PIP5K1B: variants seen among roughly 807,000 people sequenced by gnomAD.
PIP5K1B encodes the protein phosphatidylinositol-4-phosphate 5-kinase type 1 beta.
A neutral mutation model predicts 67.0 loss-of-function variants in PIP5K1B; 42 were observed. The observed-to-expected ratio is 0.63, with a 90% CI of 0.49 to 0.81. PIP5K1B has a LOEUF of 0.81. Ranked by LOEUF, PIP5K1B falls within the 30% of genes least tolerant of loss-of-function variation. The pLI is 0.00. For synonymous variants in PIP5K1B, 214 were observed against 231.4 expected (o/e 0.92, Z 0.68); for missense variants, 459 against 646.3 (o/e 0.71, Z 3.14).
chr9:68,992,661 G>GA (rs1304067521), intron 15 of PIP5K1B, among the ~76,000 whole-genome samples: 1 of 151,522 alleles, frequency 6.6e-6, no homozygotes, highest in Admixed American at 6.6e-5. Flanking sequence ...CCAGGATGGT[G>GA]AAACCCCATC....
chr9:69,007,640 T>A (rs190741114), intron 15 of PIP5K1B, among the ~76,000 whole-genome samples: 5 of 152,086 alleles, frequency 3.3e-5, no homozygotes, highest in South Asian at 2.1e-4. Context: ...GGCGGATCAC[T>A]AGGTCAGGAG....
chr9:68,947,795 C>A (rs367721995), intron 14 of PIP5K1B, among the ~76,000 whole-genome samples: 47 of 152,286 alleles, frequency 3.1e-4, no homozygotes, highest in African/African-American at 8.7e-4. Flanking sequence ...GTCTGACAAT[C>A]AGTAATGCAT....
intron 8 of PIP5K1B, 28 bp downstream of exon 8, chr9:68,894,666 CTTT>C (rs1245230215): frequency 6.2e-7 from 1 of 1,600,272 alleles, no homozygotes; most frequent in South Asian, 1.1e-5. Context: ...TTGTGATTTC[CTTT>C]GAACTCTGTG....
At position 68,822,591 on chromosome 9, in the gene PIP5K1B, A is replaced by G. The variant is rs372272967; in HGVS notation, c.1-24A>G. The G allele has an allele frequency of 7.0e-6, 11 of 1,564,628 alleles. No individual in the cohort carries two copies. The African/African-American group carries it at 1.2e-4, about 17-fold the overall frequency. ...TATTTCAGAGTAACATTGAAGTTCA[A>G]AGGGCAGTGTGTTTCTCTTGTAGAT... On this transcript the variant is annotated intron_variant, in intron 3 of 15. Transcript: ENST00000265382.
At chr9:68,936,046 G>T (rs891725848) in intron 13 of PIP5K1B, 4 of 152,114 alleles carry the variant, frequency 2.6e-5, no homozygotes, top group Non-Finnish European at 5.9e-5. Context: ...CCTTTTGTTA[G>T]ATTTATTTCT....
In PIP5K1B at chr9:68,705,391, T is replaced by G. The variant is rs1827069923; in HGVS notation, c.-614T>G. 1 of 151,254 alleles carries G rather than the reference T, an allele frequency of 6.6e-6. No individual in the cohort carries two copies. Among genetic ancestry groups the G allele is most frequent in the Non-Finnish European group, 1.5e-5 (1 of 67,750 alleles). 9.4% of individuals were successfully genotyped at this position (151,254 alleles called of 1,614,324 possible). A position where few individuals can be genotyped will look rare whatever the true frequency, so the allele number is the denominator to read the frequency against. On this transcript the variant is annotated 5_prime_UTR_variant, in exon 1 of 16. Transcript: ENST00000265382. ...GCCCGGCAGTGGAGCCGCTCGGAGC[T>G]GCTGGGCTTTGGCGGCCGCTCGCTG...
chr9:68,730,192 A>G (rs931696722), intron 1 of PIP5K1B, among the ~76,000 whole-genome samples: 1 of 152,222 alleles, frequency 6.6e-6, no homozygotes, highest in African/African-American at 2.4e-5. Context: ...ATTTGCATTG[A>G]TGATTTTGTT....
intron 2 of PIP5K1B, among the ~76,000 whole-genome samples, chr9:68,790,884 C>T (rs1158490276): frequency 6.6e-6 from 1 of 152,176 alleles, no homozygotes; most frequent in Non-Finnish European, 1.5e-5. Flanking sequence ...TACCTAGGAC[C>T]TCTTTGTGCC....
Position 69,008,878 on chromosome 9 carries a change from C to A in PIP5K1B, c.*429C>A, listed in dbSNP as rs942862863. On this transcript the variant is annotated 3_prime_UTR_variant, in exon 16 of 16. Transcript: ENST00000265382. ...ACACATGGTAAATTAAGTATAAATTCTTTTGCAAAATTATAGTTCATGTCA... is the reference window on the plus strand; with the variant it reads ...ACACATGGTAAATTAAGTATAAATTATTTTGCAAAATTATAGTTCATGTCA... 1 of 159,566 alleles carries A rather than the reference C, an allele frequency of 6.3e-6. No homozygotes were observed. Among genetic ancestry groups the A allele is most frequent in the Non-Finnish European group, 1.4e-5 (1 of 71,758 alleles). 9.9% of individuals were successfully genotyped at this position (159,566 alleles called of 1,614,324 possible).
chr9:68,778,690 G>A (rs1402018696), intron 2 of PIP5K1B, among the ~76,000 whole-genome samples: 2 of 152,136 alleles, frequency 1.3e-5, no homozygotes, highest in Non-Finnish European at 2.9e-5. Flanking sequence ...GAGCCTAAGT[G>A]ATATTTAAAA....
At chr9:68,723,973 A>C (rs1045969996) in intron 1 of PIP5K1B, among the ~76,000 whole-genome samples, 1 of 151,890 alleles carries the variant, frequency 6.6e-6, no homozygotes, top group Non-Finnish European at 1.5e-5. Context: ...AGATTTTCCC[A>C]AAATTTTTTT....
chr9:68,944,777 C>T (rs961337073), intron 14 of PIP5K1B, among the ~76,000 whole-genome samples: 1 of 152,162 alleles, frequency 6.6e-6, no homozygotes, highest in African/African-American at 2.4e-5. Flanking sequence ...AACCAGAAGC[C>T]CTTCCCCACA....
At chr9:68,729,605 A>G (rs148778739) in intron 1 of PIP5K1B, among the ~76,000 whole-genome samples, 338 of 152,318 alleles carry the variant, frequency 2.2e-3, no homozygotes, top group African/African-American at 7.7e-3. Flanking sequence ...GTGTATAATT[A>G]TACAAGAACT....
chr9:68,906,166 A>G (rs1373355033), intron 8 of PIP5K1B, among the ~76,000 whole-genome samples: 1 of 152,084 alleles, frequency 6.6e-6, no homozygotes, highest in African/African-American at 2.4e-5. Flanking sequence ...CTACAAGCAC[A>G]TGCCACCACA....
intron 7 of PIP5K1B, among the ~76,000 whole-genome samples, chr9:68,891,457 A>C (rs532797506): frequency 3.3e-5 from 5 of 150,284 alleles, no homozygotes; most frequent in Non-Finnish European, 7.4e-5. Context: ...TTTTTTTTTA[A>C]AAAATGATAA....
chr9:68,808,221 G>A (rs1832974350), intron 2 of PIP5K1B, among the ~76,000 whole-genome samples: 1 of 152,026 alleles, frequency 6.6e-6, no homozygotes, highest in Non-Finnish European at 1.5e-5. Context: ...AACAAAAGGG[G>A]AAGAAAAAAT....
intron 2 of PIP5K1B, among the ~76,000 whole-genome samples, chr9:68,795,907 T>C (rs1832266041): frequency 3.3e-5 from 5 of 152,332 alleles, no homozygotes; most frequent in South Asian, 2.1e-4. Flanking sequence ...TCATAAGATA[T>C]GTATTTTAAT....
chr9:68,889,944 T>G (rs995059392), intron 7 of PIP5K1B, among the ~76,000 whole-genome samples: 5 of 152,124 alleles, frequency 3.3e-5, no homozygotes, highest in Non-Finnish European at 7.3e-5. Flanking sequence ...TTGCATTCAT[T>G]AACTCATTTA....
At chr9:68,911,936 A>G (rs907761363) in intron 8 of PIP5K1B, among the ~76,000 whole-genome samples, 6 of 152,172 alleles carry the variant, frequency 3.9e-5, no homozygotes, top group Admixed American at 1.3e-4. Flanking sequence ...TGAAGGAAAT[A>G]TATTGGGCTG....
Sources: allele counts gnomAD v4.1 joint callset (sites outside exome capture counted in the v4.1 genomes callset), GRCh38; gene constraint gnomAD v4.1.1; transcripts MANE v1.5; gene names NCBI Gene and HGNC (gene_info 2026-07-23, HGNC 2026-07-21).